MID1: variants seen among roughly 807,000 people sequenced by gnomAD.
The protein encoded by MID1 is E3 ubiquitin-protein ligase Midline-1.
In MID1, 7 loss-of-function variants were observed where a neutral mutation model predicts 40.4. The observed-to-expected ratio is 0.17, with a 90% CI of 0.10 to 0.33. The LOEUF (loss-of-function observed/expected upper bound fraction) is 0.33. MID1 is among the 10% of genes least tolerant of loss of function. The probability of loss-of-function intolerance (pLI) is 1.00; values close to 1 mark genes in which losing one functional copy is unlikely to be tolerated. For synonymous variants in MID1, 229 were observed against 221.2 expected (o/e 1.04, Z -0.31); for missense variants, 367 against 558.5 (o/e 0.66, Z 3.46).
intron 4 of MID1, among the ~76,000 whole-genome samples, chrX:10,492,866 G>A (rs1007090314): frequency 1.2e-4 from 13 of 112,117 alleles, no homozygotes; most frequent in Non-Finnish European, 5.6e-5. Context: ...TTACTGACAT[G>A]TATTTGGGGT....
At chrX:10,565,783 C>A (rs1255116485) in intron 2 of MID1, among the ~76,000 whole-genome samples, 1 of 107,185 alleles carries the variant, frequency 9.3e-6, no homozygotes, top group African/African-American at 3.4e-5. Context: ...TTCCCTAGTG[C>A]TTTCTATCCA....
At chrX:10,509,948 C>G (rs1932031706) in intron 3 of MID1, among the ~76,000 whole-genome samples, 1 of 112,353 alleles carries the variant, frequency 8.9e-6, no homozygotes, top group Non-Finnish European at 1.9e-5. Context: ...CACAGACTTA[C>G]AGACCATCAA....
intron 2 of MID1, among the ~76,000 whole-genome samples, chrX:10,534,800 G>A (rs1036722573): frequency 4.4e-5 from 5 of 112,402 alleles, no homozygotes; most frequent in African/African-American, 1.6e-4. Flanking sequence ...CGATCTGTCA[G>A]GAATTTACAA....
At chrX:10,456,931 G>A (rs769008238) in intron 8 of MID1, among the ~76,000 whole-genome samples, 12 of 112,194 alleles carry the variant, frequency 1.1e-4, no homozygotes, top group Non-Finnish European at 1.3e-4. Flanking sequence ...CTCAGAGGCC[G>A]TAAGATCTAT....
intron 1 of MID1, among the ~76,000 whole-genome samples, chrX:10,637,539 C>T (rs375929834): frequency 1.8e-4 from 19 of 108,483 alleles, no homozygotes; most frequent in East Asian, 2.9e-4. Flanking sequence ...GCAGGACAAT[C>T]GCTTGAACCC....
chrX:10,703,437 G>A (rs191675724), intron 1 of MID1, among the ~76,000 whole-genome samples: 103 of 111,769 alleles, frequency 9.2e-4, no homozygotes, highest in Non-Finnish European at 1.5e-3. Flanking sequence ...AGGCTGAGGC[G>A]GGAGGACCAC....
chrX:10,518,481 C>A (rs896241473), intron 3 of MID1, among the ~76,000 whole-genome samples: 7 of 110,816 alleles, frequency 6.3e-5, no homozygotes, highest in African/African-American at 2.3e-4. Context: ...CCCCCTACTA[C>A]CCCCTTCCCC....
chrX:10,547,187 G>A (rs1196723707), intron 2 of MID1, among the ~76,000 whole-genome samples: 1 of 111,575 alleles, frequency 9.0e-6, no homozygotes, highest in Non-Finnish European at 1.9e-5. Flanking sequence ...CAGCTACTCT[G>A]GAGGCTGAGC....
chrX:10,605,821 A>T (rs1935615087), intron 1 of MID1, among the ~76,000 whole-genome samples: 2 of 111,770 alleles, frequency 1.8e-5, no homozygotes, highest in Non-Finnish European at 3.8e-5. Flanking sequence ...GCTTGAGTTT[A>T]GTAGGCTGGG....
chrX:10,579,867 A>C (rs1934964575), intron 1 of MID1, among the ~76,000 whole-genome samples: 2 of 108,906 alleles, frequency 1.8e-5, no homozygotes, highest in Non-Finnish European at 3.8e-5. Flanking sequence ...AAAGCACCAC[A>C]TGAAAGAAGA....
chrX:10,700,766 T>C (rs2043189556), intron 1 of MID1, among the ~76,000 whole-genome samples: 1 of 111,727 alleles, frequency 9.0e-6, no homozygotes, highest in African/African-American at 3.3e-5. Flanking sequence ...TTTGACTGTT[T>C]GGAAAAAAGA....
intron 1 of MID1, among the ~76,000 whole-genome samples, chrX:10,602,600 T>A (rs765163260): frequency 1.1e-3 from 122 of 112,302 alleles, no homozygotes; most frequent in Non-Finnish European, 2.0e-3. Flanking sequence ...CTTCTCTCAT[T>A]TGGCATAACA....
chrX:10,452,941 G>A (rs1928436786), intron 9 of MID1, among the ~76,000 whole-genome samples: 1 of 111,654 alleles, frequency 9.0e-6, no homozygotes, highest in Non-Finnish European at 1.9e-5. Flanking sequence ...TAATCATTTA[G>A]ACCCTGGATT....
chrX:10,507,336 C>T (rs1330347731), intron 3 of MID1, among the ~76,000 whole-genome samples: 1 of 111,541 alleles, frequency 9.0e-6, no homozygotes, highest in Non-Finnish European at 1.9e-5. Context: ...GGCAGCCTGC[C>T]AGGTAATGGA....
chrX:10,591,575 C>T (rs941618031), intron 1 of MID1, among the ~76,000 whole-genome samples: 1 of 111,868 alleles, frequency 8.9e-6, no homozygotes, highest in Admixed American at 9.4e-5. Context: ...GGTGACTTCA[C>T]CGAAGGGAGC....
At chrX:10,547,231 C>A (rs1329514037) in intron 2 of MID1, among the ~76,000 whole-genome samples, 1 of 110,694 alleles carries the variant, frequency 9.0e-6, no homozygotes, top group Non-Finnish European at 1.9e-5. Context: ...GCCATGATTG[C>A]ACTACTGCAC....
intron 3 of MID1, among the ~76,000 whole-genome samples, chrX:10,517,245 A>G (rs1932496353): frequency 9.0e-6 from 1 of 111,328 alleles, no homozygotes. Context: ...TTCCCGGGGA[A>G]TGCTCATACC....
At chrX:10,704,586 A>G (rs1034377048) in intron 1 of MID1, among the ~76,000 whole-genome samples, 1 of 108,445 alleles carries the variant, frequency 9.2e-6, no homozygotes, top group African/African-American at 3.4e-5. Flanking sequence ...ATAACAGCAA[A>G]AGTTACAACA....
At chrX:10,663,098 C>T (rs951172642) in intron 1 of MID1, among the ~76,000 whole-genome samples, 3 of 111,561 alleles carry the variant, frequency 2.7e-5, no homozygotes, top group African/African-American at 9.8e-5. Context: ...TAACCCCTTT[C>T]TCTTTTCTTT....
Sources: gnomAD v4.1 joint callset for allele counts (sites outside exome capture counted in the v4.1 genomes callset) on GRCh38, gnomAD v4.1.1 for gene constraint, MANE v1.5 for transcripts, NCBI Gene and HGNC (gene_info 2026-07-23, HGNC 2026-07-21) for gene names.